The following DPYD variants were observed in gnomAD, a reference collection of about 807,000 sequenced individuals.
The protein encoded by DPYD is dihydropyrimidine dehydrogenase [NADP(+)].
In DPYD, 109 loss-of-function variants were observed where a neutral mutation model predicts 116.2. The ratio of observed to expected loss-of-function variants is 0.94; its 90% confidence interval spans 0.80 to 1.10. The LOEUF (loss-of-function observed/expected upper bound fraction) is 1.10. Ranked by LOEUF, DPYD falls within the 50% of genes least tolerant of loss-of-function variation. The probability of loss-of-function intolerance (pLI) is 0.00; values close to 1 mark genes in which losing one functional copy is unlikely to be tolerated. For synonymous variants in DPYD, 440 were observed against 432.0 expected (o/e 1.02, Z -0.23); for missense variants, 1,302 against 1,254.5 (o/e 1.04, Z -0.57).
At chr1:97,380,380 T>A (rs1489499063) in intron 15 of DPYD, among the ~76,000 whole-genome samples, 1 of 152,212 alleles carries the variant, frequency 6.6e-6, no homozygotes, top group African/African-American at 2.4e-5. Context: ...ACAATGCTAC[T>A]AATTTGACAC....
intron 13 of DPYD, among the ~76,000 whole-genome samples, chr1:97,511,140 A>G (rs1271145418): frequency 1.3e-5 from 2 of 151,936 alleles, no homozygotes; most frequent in Non-Finnish European, 2.9e-5. Context: ...TTGCCAACCC[A>G]CATGACTATA....
chr1:97,625,305 G>A (rs1463136515), intron 8 of DPYD, among the ~76,000 whole-genome samples: 1 of 150,812 alleles, frequency 6.6e-6, no homozygotes, highest in Non-Finnish European at 1.5e-5. Context: ...TAATTGGAAG[G>A]ATTACATGTA....
chr1:97,691,644 G>T (rs1557886094), intron 7 of DPYD, 73 bp downstream of exon 7: 1 of 1,245,290 alleles, frequency 8.0e-7, no homozygotes, highest in Non-Finnish European at 1.2e-6. Context: ...CATGACATTT[G>T]CTGTTAATCT....
intron 18 of DPYD, among the ~76,000 whole-genome samples, chr1:97,297,323 C>T (rs1666596110): frequency 1.3e-5 from 2 of 152,142 alleles, no homozygotes; most frequent in Non-Finnish European, 2.9e-5. Flanking sequence ...GTATCAGACA[C>T]CATGTATGTG....
intron 18 of DPYD, among the ~76,000 whole-genome samples, chr1:97,238,016 AG>A (rs1296397275): frequency 1.3e-5 from 2 of 152,170 alleles, no homozygotes; most frequent in Non-Finnish European, 2.9e-5. Context: ...AAGGCAACAC[AG>A]CTTTGAAAAA....
intron 2 of DPYD, among the ~76,000 whole-genome samples, chr1:97,845,875 C>T (rs1398994865): frequency 1.3e-5 from 2 of 152,200 alleles, no homozygotes; most frequent in African/African-American, 4.8e-5. Context: ...GCAGATGCCG[C>T]ATGTGGTACA....
chr1:97,206,882 T>A (rs1024024470), intron 19 of DPYD, among the ~76,000 whole-genome samples: 1 of 151,332 alleles, frequency 6.6e-6, no homozygotes, highest in African/African-American at 2.4e-5. Flanking sequence ...GACACATATA[T>A]ACACATATAT....
chr1:97,145,737 G>C (rs1436521374), intron 20 of DPYD, among the ~76,000 whole-genome samples: 1 of 131,406 alleles, frequency 7.6e-6, no homozygotes, highest in Non-Finnish European at 1.6e-5. Context: ...GAAAAGAATT[G>C]TGTGGGTTTT....
At chr1:97,701,253 C>T (rs565545180) in intron 5 of DPYD, among the ~76,000 whole-genome samples, 13 of 148,776 alleles carry the variant, frequency 8.7e-5, no homozygotes, top group African/African-American at 2.7e-4. Context: ...CACTTTAAGG[C>T]AAGATGCATT....
At chr1:97,137,790 T>C (rs555488879) in intron 20 of DPYD, among the ~76,000 whole-genome samples, 1 of 152,292 alleles carries the variant, frequency 6.6e-6, no homozygotes, top group South Asian at 2.1e-4. Flanking sequence ...GAAATGAGCC[T>C]TTAGGAAACA....
intron 2 of DPYD, among the ~76,000 whole-genome samples, chr1:97,861,425 A>G (rs1414902928): frequency 6.6e-6 from 1 of 151,984 alleles, no homozygotes; most frequent in Non-Finnish European, 1.5e-5. Context: ...AGGGTGATAA[A>G]TTCAACCAAA....
At chr1:97,082,713 T>C (rs137988632) in intron 21 of DPYD, among the ~76,000 whole-genome samples, 9 of 152,194 alleles carry the variant, frequency 5.9e-5, no homozygotes, top group Non-Finnish European at 1.0e-4. Flanking sequence ...CTGCATTCAA[T>C]AGGTTTTTGA....
At chr1:97,670,693 T>C (rs903151683) in intron 8 of DPYD, among the ~76,000 whole-genome samples, 2 of 151,982 alleles carry the variant, frequency 1.3e-5, no homozygotes, top group Admixed American at 6.6e-5. Context: ...TAATAACCCC[T>C]TCCAGGTTCA....
At chr1:97,435,150 T>A (rs1169524577) in intron 14 of DPYD, among the ~76,000 whole-genome samples, 1 of 151,926 alleles carries the variant, frequency 6.6e-6, no homozygotes, top group Non-Finnish European at 1.5e-5. Context: ...TTTTAAAAAA[T>A]TGTACCTTTT....
chr1:97,761,985 A>C (rs1030498123), intron 3 of DPYD, among the ~76,000 whole-genome samples: 20 of 152,144 alleles, frequency 1.3e-4, no homozygotes, highest in Non-Finnish European at 2.5e-4. Context: ...GAAGGAACAC[A>C]AGGACACTAG....
intron 13 of DPYD, among the ~76,000 whole-genome samples, chr1:97,462,476 T>C (rs1381999831): frequency 6.6e-6 from 1 of 151,910 alleles, no homozygotes; most frequent in East Asian, 1.9e-4. Flanking sequence ...GTCAAGGGCA[T>C]TGCAAAGTTA....
chr1:97,721,537 A>G lies in DPYD; in HGVS notation c.456T>C (p.Ile152=). Residue 152 remains isoleucine (I), a synonymous_variant, in exon 5 of 23, where the codon ATT becomes ATC. Transcript: ENST00000370192. ...CAGTAGCAAATTGCTGCAATCCACC[A>G]ATATTAATGGGTCCCTCTTCAGTGG... The part of the protein sequence containing the change: ...LYATEEGPIN[I]GGLQQFATEV... 6.2e-7 allele frequency: 1 copy of G among 1,611,582 alleles called. No homozygotes were observed. Among genetic ancestry groups the G allele is most frequent in the Non-Finnish European group, 8.5e-7 (1 of 1,178,288 alleles).
At chr1:97,176,836 C>G (rs1657295126) in intron 20 of DPYD, among the ~76,000 whole-genome samples, 1 of 144,686 alleles carries the variant, frequency 6.9e-6, no homozygotes, top group Non-Finnish European at 1.5e-5. Flanking sequence ...AGAGATGGAA[C>G]AAGGGAATAC....
intron 12 of DPYD, among the ~76,000 whole-genome samples, chr1:97,529,427 T>G (rs946170743): frequency 6.6e-6 from 1 of 152,206 alleles, no homozygotes; most frequent in Admixed American, 6.5e-5. Context: ...TAAACATTGT[T>G]TTGTTATTTA....
Sources: allele counts gnomAD v4.1 joint callset (sites outside exome capture counted in the v4.1 genomes callset), GRCh38; gene constraint gnomAD v4.1.1; transcripts MANE v1.5; gene names NCBI Gene and HGNC (gene_info 2026-07-23, HGNC 2026-07-21).